Variants in GRIA4 observed in about 807,000 individuals in gnomAD.
The protein encoded by GRIA4 is glutamate ionotropic receptor AMPA type subunit 4, also known as glutamate receptor 4.
Under a neutral mutation model 104.0 loss-of-function variants are expected in GRIA4, and 34 were observed. The ratio of observed to expected loss-of-function variants is 0.33; its 90% CI spans 0.25 to 0.44. The LOEUF (loss-of-function observed/expected upper bound fraction) is 0.44, where lower values mean the gene tolerates loss of function less well. GRIA4 is among the 20% of genes least tolerant of loss of function. The probability of loss-of-function intolerance (pLI) is 1.00; values close to 1 mark genes in which losing one functional copy is unlikely to be tolerated. For missense variants in GRIA4, 750 were observed against 1,096.5 expected (o/e 0.68, Z 4.46); for synonymous variants, 386 against 381.9 (o/e 1.01, Z -0.13).
At position 105,905,311 on chromosome 11, in the gene GRIA4, G is replaced by C; in HGVS notation, c.1158+10G>C. Reference sequence around the variant, plus strand: ...CACAGGACCTAGAAAGGTGAGCCACGATCAAACTGAAAAACAGAATTCTCT... The same window carrying C: ...CACAGGACCTAGAAAGGTGAGCCACCATCAAACTGAAAAACAGAATTCTCT... On this transcript the variant is annotated intron_variant, in intron 9 of 16. Coordinates refer to ENST00000282499, the MANE Select transcript of GRIA4 (RefSeq NM_000829.4). 7.2e-7 allele frequency: 1 copy of C among 1,396,614 alleles called. No homozygotes were observed. Among genetic ancestry groups the C allele is most frequent in the South Asian group, 1.2e-5 (1 of 86,000 alleles). The allele number at this position is 1,396,614 out of a possible 1,614,324, so 86.5% of individuals were successfully genotyped here.
chr11:105,735,304 AACAACTCGCTTGT>A (rs1248010660), intron 3 of GRIA4, among the ~76,000 whole-genome samples: 5 of 152,158 alleles, frequency 3.3e-5, no homozygotes, highest in African/African-American at 4.8e-5. Context: ...TAAGTGAACA[AACAACTCGCTTGT>A]CTTAATCAGC....
At chr11:105,645,117 A>G (rs2135363855) in intron 3 of GRIA4, among the ~76,000 whole-genome samples, 1 of 152,328 alleles carries the variant, frequency 6.6e-6, no homozygotes, top group East Asian at 1.9e-4. Flanking sequence ...CTTCATAATC[A>G]GGAAGGGTGG....
intron 3 of GRIA4, among the ~76,000 whole-genome samples, chr11:105,624,586 G>A (rs1950837873): frequency 6.6e-6 from 1 of 151,956 alleles, no homozygotes; most frequent in Non-Finnish European, 1.5e-5. Flanking sequence ...CTCCTTATTT[G>A]AAATTAGGTT....
At chr11:105,763,916 C>G (rs188779745) in intron 4 of GRIA4, among the ~76,000 whole-genome samples, 1 of 152,118 alleles carries the variant, frequency 6.6e-6, no homozygotes, top group Non-Finnish European at 1.5e-5. Context: ...ATTTTAGCAA[C>G]GGGTATGTCA....
intron 4 of GRIA4, among the ~76,000 whole-genome samples, chr11:105,824,121 C>A (rs754484854): frequency 1.3e-5 from 2 of 152,082 alleles, no homozygotes; most frequent in Non-Finnish European, 2.9e-5. Flanking sequence ...AAAAAGAAAT[C>A]TCTGCTGTTT....
At chr11:105,944,071 G>T (rs112639107) in intron 14 of GRIA4, among the ~76,000 whole-genome samples, 1 of 152,066 alleles carries the variant, frequency 6.6e-6, no homozygotes, top group East Asian at 1.9e-4. Flanking sequence ...ACTTTACAAC[G>T]ATTAAAGTTC....
chr11:105,924,370 T>C (rs112164494), intron 11 of GRIA4, 29 bp from the exon 12 acceptor site: 13 of 1,516,312 alleles, frequency 8.6e-6, no homozygotes, highest in Middle Eastern at 1.8e-4. Flanking sequence ...CATTAACCTA[T>C]GTGTCTCCAT....
rs1296006025 is a variant in GRIA4 at position 105,981,987 on chromosome 11, C to T, written c.*2248C>T. 1 of 152,596 alleles carries T rather than the reference C, an allele frequency of 6.6e-6. No homozygotes were observed. Among genetic ancestry groups the T allele is most frequent in the African/African-American group, 2.4e-5 (1 of 41,412 alleles). 9.5% of individuals were successfully genotyped at this position (152,596 alleles called of 1,614,324 possible). A position where few individuals can be genotyped will look rare whatever the true frequency, so the allele number is the denominator to read the frequency against. ...CTGTATAACTACTAGACTGTAAGCTCCTTGAGGGCAGGGACTGTGTCTATC... is the reference window on the plus strand; with the variant it reads ...CTGTATAACTACTAGACTGTAAGCTTCTTGAGGGCAGGGACTGTGTCTATC... On this transcript the variant is annotated 3_prime_UTR_variant, in exon 17 of 17. Transcript: ENST00000282499.
At chr11:105,692,667 T>G (rs769028518) in intron 3 of GRIA4, among the ~76,000 whole-genome samples, 1 of 152,238 alleles carries the variant, frequency 6.6e-6, no homozygotes, top group Non-Finnish European at 1.5e-5. Context: ...AGTCAAATTC[T>G]AGGGATATGG....
At chr11:105,892,191 A>G (rs1233098895) in intron 6 of GRIA4, among the ~76,000 whole-genome samples, 3 of 152,160 alleles carry the variant, frequency 2.0e-5, no homozygotes, top group Admixed American at 6.5e-5. Flanking sequence ...AGGGGGACCT[A>G]ATATTAAACA....
Position 105,724,187 on chromosome 11 carries a change from C to A in GRIA4, c.248-28794C>A, listed in dbSNP as rs146852238. 1.1e-3 allele frequency among the ~76,000 whole-genome samples: 171 copies of A among 152,042 alleles called. 1 individual carries two copies. Among genetic ancestry groups the A allele is most frequent in the Middle Eastern group, 3.4e-3 (1 of 294 alleles). ...TATTTACCCAATAAACATACAAGTGCAGTTGTCTTTTTTATATCATTATAT... is the reference window on the plus strand; with the variant it reads ...TATTTACCCAATAAACATACAAGTGAAGTTGTCTTTTTTATATCATTATAT... On this transcript the variant is annotated intron_variant, in intron 3 of 16. Transcript: ENST00000282499.
At chr11:105,954,185 G>A (rs1948527464) in intron 14 of GRIA4, among the ~76,000 whole-genome samples, 1 of 152,086 alleles carries the variant, frequency 6.6e-6, no homozygotes, top group Non-Finnish European at 1.5e-5. Context: ...TACATCACAT[G>A]TCCTCCAGCC....
At chr11:105,804,778 T>C (rs1454243676) in intron 4 of GRIA4, among the ~76,000 whole-genome samples, 4 of 152,056 alleles carry the variant, frequency 2.6e-5, no homozygotes, top group African/African-American at 7.2e-5. Context: ...TAGAAAAGCA[T>C]GTTTTACTTG....
At chr11:105,866,713 T>C (rs1283953000) in intron 5 of GRIA4, among the ~76,000 whole-genome samples, 1 of 151,796 alleles carries the variant, frequency 6.6e-6, no homozygotes, top group African/African-American at 2.4e-5. Context: ...TACTAAAATA[T>C]ATGATTTCTT....
chr11:105,699,613 C>T (rs549830871), intron 3 of GRIA4, among the ~76,000 whole-genome samples: 3 of 152,160 alleles, frequency 2.0e-5, no homozygotes, highest in African/African-American at 7.2e-5. Context: ...AGGTCAAGGG[C>T]TATGGTTTTA....
intron 5 of GRIA4, among the ~76,000 whole-genome samples, chr11:105,871,377 G>A (rs1322672268): frequency 6.6e-6 from 1 of 151,714 alleles, no homozygotes; most frequent in Non-Finnish European, 1.5e-5. Context: ...AAAATAAACT[G>A]AGCTTGCTAT....
intron 3 of GRIA4, among the ~76,000 whole-genome samples, chr11:105,691,167 T>A (rs1391295956): frequency 6.6e-6 from 1 of 152,166 alleles, no homozygotes; most frequent in Non-Finnish European, 1.5e-5. Context: ...TTCTTTAATA[T>A]AAATAACTTT....
chr11:105,855,166 C>G (rs1053021692), intron 4 of GRIA4, among the ~76,000 whole-genome samples: 6 of 152,124 alleles, frequency 3.9e-5, no homozygotes, highest in African/African-American at 1.4e-4. Flanking sequence ...CCCTTTCCAT[C>G]CTTTAGGGAC....
At chr11:105,860,056 C>T (rs966457638) in intron 4 of GRIA4, among the ~76,000 whole-genome samples, 2 of 151,964 alleles carry the variant, frequency 1.3e-5, no homozygotes, top group Non-Finnish European at 2.9e-5. Flanking sequence ...ATTACTGGCA[C>T]GCATTACAAA....
Sources: gnomAD v4.1 joint callset for allele counts (sites outside exome capture counted in the v4.1 genomes callset) on GRCh38, gnomAD v4.1.1 for gene constraint, MANE v1.5 for transcripts, NCBI Gene and HGNC (gene_info 2026-07-23, HGNC 2026-07-21) for gene names.